CEP63: variants seen among roughly 807,000 people sequenced by gnomAD.
The protein encoded by CEP63 is centrosomal protein of 63 kDa.
Under a neutral mutation model 89.1 loss-of-function variants are expected in CEP63, and 84 were observed. That is an observed-to-expected ratio of 0.94 (90% CI 0.79 to 1.13). CEP63 has a LOEUF of 1.13. Among genes scored for constraint, CEP63 ranks in the 50% most tolerant of loss-of-function variants. CEP63 has a pLI of 0.00. For missense variants in CEP63, 838 were observed against 813.3 expected, an observed-to-expected ratio of 1.03 and a Z score of -0.37; for synonymous variants, 267 against 272.5, an observed-to-expected ratio of 0.98 and a Z score of 0.20.
At chr3:134,715,257 G>C in the CEP63 span, among the ~76,000 whole-genome samples, 10 of 152,282 alleles carry the variant, frequency 6.6e-5, no homozygotes, top group African/African-American at 2.4e-4. Context: ...GGGGTGATTG[G>C]ATAACATCAT....
At chr3:134,682,405 A>G in the CEP63 span, among the ~76,000 whole-genome samples, 1 of 152,192 alleles carries the variant, frequency 6.6e-6, no homozygotes, top group Non-Finnish European at 1.5e-5. Flanking sequence ...CATTAACTAG[A>G]CATCCTAGTT....
At chr3:134,542,185 A>G (rs1952183457) in intron 6 of CEP63, among the ~76,000 whole-genome samples, 1 of 152,228 alleles carries the variant, frequency 6.6e-6, no homozygotes, top group Non-Finnish European at 1.5e-5. Flanking sequence ...GCTGTAAAAT[A>G]TTCTTCAAGT....
At chr3:134,558,429 A>G in intron 13 of CEP63, 82 bp downstream of exon 13, 1 of 999,698 alleles carries the variant, frequency 1.0e-6, no homozygotes, top group Non-Finnish European at 1.5e-6. Context: ...TTTGACTTAC[A>G]GAAATTAAAT....
Position 134,547,604 on chromosome 3 carries a change from G to GGTCTTTTTTTTTTT in CEP63, c.1067+132_1067+133insGTCTTTTTTTTTTT. 10 of 178,998 alleles carry GGTCTTTTTTTTTTT rather than the reference G, an allele frequency of 5.6e-5. 1 individual carries two copies. The highest frequency in any genetic ancestry group is 1.5e-4 in the Admixed American group (1 of 6,518). 11.1% of individuals were successfully genotyped at this position (178,998 alleles called of 1,614,324 possible). On this transcript the variant is annotated intron_variant, in intron 9 of 14. Coordinates refer to ENST00000675561, the MANE Select transcript of CEP63 (RefSeq NM_001353108.3). ...TTTCTAGTATCCACAAATGGCCTAA[G>GGTCTTTTTTTTTTT]TTCTTATTTCTTTTTTTTTTTTTTT... is the stretch of plus-strand genomic sequence containing the variant.
chr3:134,650,754 G>A, the CEP63 span: 1 of 1,382,678 alleles, frequency 7.2e-7, no homozygotes, highest in South Asian at 1.5e-5. Context: ...GCGCCCCCCG[G>A]CGGGCAGGCC....
chr3:134,727,064 C>T, the CEP63 span, among the ~76,000 whole-genome samples: 5 of 152,094 alleles, frequency 3.3e-5, no homozygotes, highest in Non-Finnish European at 7.3e-5. Flanking sequence ...TTTGAGGCAG[C>T]CTGCTTAGAT....
At chr3:134,707,742 T>TTTC in the CEP63 span, among the ~76,000 whole-genome samples, 6 of 145,940 alleles carry the variant, frequency 4.1e-5, no homozygotes, top group East Asian at 2.0e-4. Context: ...TTCTTTTCTT[T>TTTC]TTTTTTTTTT....
downstream of CEP63, among the ~76,000 whole-genome samples, chr3:134,576,067 T>G (rs1958206669): frequency 6.6e-6 from 1 of 152,132 alleles, no homozygotes; most frequent in African/African-American, 2.4e-5. Context: ...TTCTCTCCAG[T>G]TTACCCCACA....
intron 10 of CEP63, among the ~76,000 whole-genome samples, chr3:134,549,554 G>C (rs754122615): frequency 6.6e-6 from 1 of 152,172 alleles, no homozygotes; most frequent in Non-Finnish European, 1.5e-5. Context: ...CCTGTGCTAT[G>C]ATGTAGTTAG....
rs1304256130 is a variant in CEP63, at chr3:134,507,124, T to C, written c.60T>C (p.Ser20=). The stretch of plus-strand genomic sequence containing the variant: ...TTCTTTATAGGGGATTTTTGACATC[T>C]TGTGAAGCAGAACTACAGGAGCTCA... The part of the protein sequence containing the change: ...NRGHGGGFLT[S]CEAELQELMK... Residue 20 remains serine, a synonymous_variant, in exon 3 of 15, where the codon TCT becomes TCC. Transcript: ENST00000675561. 6.2e-7 allele frequency: 1 copy of C among 1,613,690 alleles called. No homozygotes were observed. Among genetic ancestry groups the C allele is most frequent in the Non-Finnish European group, 8.5e-7 (1 of 1,179,770 alleles).
At chr3:134,523,900 A>G (rs1948059773) in intron 3 of CEP63, among the ~76,000 whole-genome samples, 1 of 152,040 alleles carries the variant, frequency 6.6e-6, no homozygotes, top group African/African-American at 2.4e-5. Context: ...ATGAATTTTA[A>G]AATAGTTTTT....
At chr3:134,768,717 C>T in the CEP63 span, among the ~76,000 whole-genome samples, 1 of 152,204 alleles carries the variant, frequency 6.6e-6, no homozygotes, top group Non-Finnish European at 1.5e-5. Context: ...TGTCTTTTAA[C>T]ATTCTATCCC....
intron 3 of CEP63, chr3:134,510,932 C>T (rs147046024): frequency 1.1e-5 from 2 of 187,070 alleles, no homozygotes; most frequent in African/African-American, 2.4e-5. Flanking sequence ...AGGATGTCTC[C>T]TCAGAACTTT....
intron 5 of CEP63, chr3:134,536,811 ATCTTAGCATCAGTTT>A: frequency 3.0e-6 from 1 of 329,418 alleles, no homozygotes; most frequent in Non-Finnish European, 5.9e-6. Context: ...AATTTTAGTT[ATCTTAGCATCAGTTT>A]TCTGAAAATT....
At chr3:134,689,173 G>A in the CEP63 span, among the ~76,000 whole-genome samples, 1 of 151,764 alleles carries the variant, frequency 6.6e-6, no homozygotes, top group Non-Finnish European at 1.5e-5. Flanking sequence ...TTTTCATAAA[G>A]CATCTAACAC....
Position 134,559,323 on chromosome 3 carries a change from C to G in CEP63, c.1847C>G (p.Ser616Cys). 6 of 1,614,142 alleles carry G rather than the reference C, an allele frequency of 3.7e-6. No homozygotes were observed. Among genetic ancestry groups the G allele is most frequent in the African/African-American group, 1.3e-5 (1 of 75,026 alleles). Reference protein sequence around the residue: ...CSSTRSLTSYSLCKTHSLPSA... With the variant: ...CSSTRSLTSYCLCKTHSLPSA... ...TCCACCAGGTCTTTGACTTCCTACTCTCTATGTAAAACTCATTCTTTGCCT... is the reference window on the plus strand; with the variant it reads ...TCCACCAGGTCTTTGACTTCCTACTGTCTATGTAAAACTCATTCTTTGCCT... The change falls in exon 14 of 15, where the codon TCT becomes TGT. Residue 616 changes from serine (S) to cysteine (C), a missense_variant. Physicochemically the swap from Ser to Cys is moderately radical, Grantham distance 112 (BLOSUM62 -1). Coordinates refer to ENST00000675561, the MANE Select transcript of CEP63 (RefSeq NM_001353108.3).
chr3:134,643,495 A>G, the CEP63 span: 2 of 755,044 alleles, frequency 2.6e-6, no homozygotes, highest in Non-Finnish European at 4.6e-6. Flanking sequence ...GCACATCCCC[A>G]GGCCTAAATG....
chr3:134,754,740 C>T, the CEP63 span, among the ~76,000 whole-genome samples: 7 of 152,126 alleles, frequency 4.6e-5, no homozygotes, highest in Non-Finnish European at 1.0e-4. Context: ...TAGTCCAGCA[C>T]CCAAATGTAT....
the CEP63 span, among the ~76,000 whole-genome samples, chr3:134,765,146 G>A: frequency 6.6e-6 from 1 of 152,138 alleles, no homozygotes; most frequent in Admixed American, 6.5e-5. Context: ...CGATGTTGCT[G>A]GTTCAAGAAT....
Sources: gnomAD v4.1 joint callset for allele counts (sites outside exome capture counted in the v4.1 genomes callset) on GRCh38, gnomAD v4.1.1 for gene constraint, MANE v1.5 for transcripts, NCBI Gene and HGNC (gene_info 2026-07-23, HGNC 2026-07-21) for gene names.